METTL14: variants seen among roughly 807,000 people sequenced by gnomAD.
METTL14 encodes N(6)-adenosine-methyltransferase non-catalytic subunit METTL14.
A neutral mutation model predicts 62.4 loss-of-function variants in METTL14; 32 were observed. The ratio of observed to expected loss-of-function variants is 0.51; its 90% confidence interval spans 0.39 to 0.69. The LOEUF is 0.69. Ranked by LOEUF, METTL14 falls within the 30% of genes least tolerant of loss-of-function variation. The probability of loss-of-function intolerance (pLI) is 0.00; values close to 1 mark genes in which losing one functional copy is unlikely to be tolerated. For synonymous variants in METTL14, 150 were observed against 180.0 expected (o/e 0.83, Z 1.34); for missense variants, 340 against 551.9 (o/e 0.62, Z 3.85).
At chr4:118,696,573 C>T (rs1354677442) in intron 6 of METTL14, among the ~76,000 whole-genome samples, 1 of 152,096 alleles carries the variant, frequency 6.6e-6, no homozygotes, top group Non-Finnish European at 1.5e-5. Flanking sequence ...AACGAAAACC[C>T]ATTTACATTT....
intron 1 of METTL14, chr4:118,686,690 C>A (rs1053247075): frequency 1.8e-5 from 8 of 454,432 alleles, no homozygotes; most frequent in Non-Finnish European, 3.5e-5. Flanking sequence ...ATCGTATTAT[C>A]TTCAAAAATG....
chr4:118,689,591 A>G (rs1399164314), intron 3 of METTL14, 134 bp downstream of exon 3: 3 of 515,204 alleles, frequency 5.8e-6, no homozygotes, highest in African/African-American at 2.0e-5. Flanking sequence ...GGCATATGTT[A>G]TCACCAGTTA....
Position 118,713,156 on chromosome 4 carries a change from A to C in METTL14, c.*2854A>C, listed in dbSNP as rs550913706. On this transcript the variant is annotated 3_prime_UTR_variant, in exon 11 of 11. Transcript: ENST00000388822. ...CAGAGTTGAGAGGGATCACTACTGC[A>C]GCAGTTCTGCTCTGTTACTCTGGTA... is the stretch of plus-strand genomic sequence containing the variant. The C allele has an allele frequency of 1.4e-4, 21 of 152,302 alleles. No homozygotes were observed. The highest frequency in any genetic ancestry group is 4.8e-4 in the African/African-American group (20 of 41,560). The allele number at this position is 152,302 out of a possible 1,614,324, so 9.4% of individuals were successfully genotyped here.
chr4:118,692,033 C>T lies in METTL14; in HGVS notation c.377C>T (p.Thr126Ile). 3 of 1,612,008 alleles carry T rather than the reference C, an allele frequency of 1.9e-6. No homozygotes were observed. Among genetic ancestry groups the T allele is most frequent in the Non-Finnish European group, 8.5e-7 (1 of 1,178,930 alleles). The change falls in exon 5 of 11, where the codon ACT becomes ATT. Residue 126 changes from threonine to isoleucine, a missense_variant. Around this residue, in one of 7 missense-constraint regions of METTL14, gnomAD observed 16 missense variants for 70.3 expected, o/e 0.23. Transcript: ENST00000388822. ...GATTACTGCCAACATTTTGTAGACA[C>T]TGGACATAGACCTCAGAATTTCATC... ...HNDYCQHFVD[T>I]GHRPQNFIRD...
intron 8 of METTL14, among the ~76,000 whole-genome samples, chr4:118,703,245 T>C (rs1724656712): frequency 6.6e-6 from 1 of 152,130 alleles, no homozygotes; most frequent in Non-Finnish European, 1.5e-5. Context: ...TTCATGTTTT[T>C]ATTTCCAGCA....
chr4:118,691,360 CA>C, intron 3 of METTL14, among the ~76,000 whole-genome samples, 171 bp from the exon 4 acceptor site: 1 of 152,136 alleles, frequency 6.6e-6, no homozygotes, highest in East Asian at 1.9e-4. Context: ...TGAAAATAAT[CA>C]GCTAGCTAGA....
At chr4:118,699,003 A>G (rs564516909) in intron 7 of METTL14, among the ~76,000 whole-genome samples, 2 of 152,194 alleles carry the variant, frequency 1.3e-5, no homozygotes, top group Non-Finnish European at 2.9e-5. Flanking sequence ...CGAGTTGTTC[A>G]GTGATGAATG....
chr4:118,697,486 A>G (rs1183469942), intron 7 of METTL14, 163 bp downstream of exon 7: 2 of 564,816 alleles, frequency 3.5e-6, no homozygotes, highest in Non-Finnish European at 5.6e-6. Flanking sequence ...ACATTGACTA[A>G]TATTACATTA....
chr4:118,705,097 G>A (rs1454867753), intron 9 of METTL14, among the ~76,000 whole-genome samples: 2 of 152,200 alleles, frequency 1.3e-5, no homozygotes, highest in Non-Finnish European at 2.9e-5. Context: ...TGTTGTGAGT[G>A]CGTAGAAGAG....
intron 8 of METTL14, among the ~76,000 whole-genome samples, chr4:118,702,941 A>T (rs1406637911): frequency 1.1e-4 from 11 of 103,780 alleles, no homozygotes; most frequent in African/African-American, 3.8e-4. Flanking sequence ...GGAAGGTTTT[A>T]TTATTATTAT....
chr4:118,706,143 G>A (rs1327222146), intron 10 of METTL14, among the ~76,000 whole-genome samples: 1 of 152,120 alleles, frequency 6.6e-6, no homozygotes, highest in Non-Finnish European at 1.5e-5. Flanking sequence ...ATTCACTCTT[G>A]GTTGTAGTAA....
intron 7 of METTL14, among the ~76,000 whole-genome samples, chr4:118,698,229 T>C (rs1724476877): frequency 6.6e-6 from 1 of 151,344 alleles, no homozygotes; most frequent in Admixed American, 6.6e-5. Flanking sequence ...CCGAGGAGGG[T>C]GGATCACGAG....
At chr4:118,701,186 TTTTTTTG>T in intron 8 of METTL14, among the ~76,000 whole-genome samples, 1 of 149,926 alleles carries the variant, frequency 6.7e-6, no homozygotes, top group African/African-American at 2.4e-5. Flanking sequence ...TTTTTTTGTT[TTTTTTTG>T]TTTTTTTGAG....
intron 1 of METTL14, 149 bp from the exon 2 acceptor site, chr4:118,687,774 G>T (rs1560875758): frequency 1.6e-6 from 1 of 620,292 alleles, no homozygotes; most frequent in Middle Eastern, 2.9e-4. Context: ...CTTGCAAGCT[G>T]ATTAATTCAT....
At chr4:118,701,183 G>GTTTTTTTTTTTTTTT (rs373953605) in intron 8 of METTL14, among the ~76,000 whole-genome samples, 3 of 132,310 alleles carry the variant, frequency 2.3e-5, no homozygotes, top group Non-Finnish European at 5.0e-5. Context: ...GTTTTTTTTT[G>GTTTTTTTTTTTTTTT]TTTTTTTTTG....
At chr4:118,706,273 T>C (rs1382254705) in intron 10 of METTL14, among the ~76,000 whole-genome samples, 1 of 152,250 alleles carries the variant, frequency 6.6e-6, no homozygotes, top group African/African-American at 2.4e-5. Flanking sequence ...CCACAACTCT[T>C]GACAACCACT....
intron 10 of METTL14, among the ~76,000 whole-genome samples, chr4:118,706,471 A>C (rs1436792016): frequency 6.6e-6 from 1 of 152,160 alleles, no homozygotes; most frequent in African/African-American, 2.4e-5. Flanking sequence ...GATGTACCGC[A>C]GTTTTTATAT....
Position 118,711,104 on chromosome 4 carries a change from C to G in METTL14, c.*802C>G, listed in dbSNP as rs887605925. ...TAAAAGAGAGGCAGCGACAAGATAC[C>G]TCATTATCAGATGCTTGGTTTATAC... On this transcript the variant is annotated 3_prime_UTR_variant, in exon 11 of 11. Transcript: ENST00000388822. 6.6e-5 allele frequency: 10 copies of G among 152,194 alleles called. No individual in the cohort carries two copies. Among genetic ancestry groups the G allele is most frequent in the Middle Eastern group, 3.4e-3 (1 of 294 alleles). 9.4% of individuals were successfully genotyped at this position (152,194 alleles called of 1,614,324 possible).
At chr4:118,691,240 T>G (rs1353270139) in intron 3 of METTL14, among the ~76,000 whole-genome samples, 2 of 152,182 alleles carry the variant, frequency 1.3e-5, no homozygotes, top group Non-Finnish European at 2.9e-5. Flanking sequence ...CTTTCATGAC[T>G]CAAACTAGAC....
Sources: allele counts gnomAD v4.1 joint callset (sites outside exome capture counted in the v4.1 genomes callset), GRCh38; gene constraint gnomAD v4.1.1; regional missense constraint gnomAD v4.1.1; transcripts MANE v1.5; gene names NCBI Gene and HGNC (gene_info 2026-07-23, HGNC 2026-07-21).